GABRB3: variants seen among roughly 807,000 people sequenced by gnomAD.
The protein encoded by GABRB3 is gamma-aminobutyric acid type A receptor subunit beta3.
Under a neutral mutation model 52.1 loss-of-function variants are expected in GABRB3, and 14 were observed. The ratio of observed to expected loss-of-function variants is 0.27; its 90% CI spans 0.18 to 0.42. GABRB3 has a LOEUF of 0.42. Ranked by LOEUF, GABRB3 falls within the 10% of genes least tolerant of loss-of-function variation. GABRB3 has a pLI of 1.00. For missense variants in GABRB3, 307 were observed against 609.1 expected (o/e 0.50, Z 5.22); for synonymous variants, 260 against 232.3 (o/e 1.12, Z -1.08).
chr15:26,702,261 TACAGTAC>T (rs1199025972), intron 3 of GABRB3, among the ~76,000 whole-genome samples: 1 of 152,194 alleles, frequency 6.6e-6, no homozygotes, highest in Non-Finnish European at 1.5e-5. Flanking sequence ...TTTTGAAACA[TACAGTAC>T]ACTGCTAAAA....
At chr15:26,627,052 T>C (rs1445078890) in intron 3 of GABRB3, among the ~76,000 whole-genome samples, 1 of 152,192 alleles carries the variant, frequency 6.6e-6, no homozygotes, top group African/African-American at 2.4e-5. Flanking sequence ...TGACTTTAAG[T>C]TGAAGCCAAT....
intron 3 of GABRB3, among the ~76,000 whole-genome samples, chr15:26,717,297 G>A (rs1303027005): frequency 6.7e-6 from 1 of 150,038 alleles, no homozygotes; most frequent in Non-Finnish European, 1.5e-5. Flanking sequence ...GCCCAGCTCT[G>A]GGGACCTCCA....
chr15:26,580,656 G>A (rs1288327280), intron 5 of GABRB3, 200 bp from the exon 6 acceptor site: 3 of 729,730 alleles, frequency 4.1e-6, no homozygotes, highest in Non-Finnish European at 6.9e-6. Context: ...ATTTGTACCA[G>A]GTTGGTACTG....
intron 3 of GABRB3, among the ~76,000 whole-genome samples, chr15:26,677,802 C>T (rs1888114777): frequency 6.6e-6 from 1 of 152,108 alleles, no homozygotes; most frequent in Non-Finnish European, 1.5e-5. Context: ...TGTTTAAGGG[C>T]TATCATGAAG....
At chr15:26,743,960 T>C (rs1286031913) in intron 3 of GABRB3, among the ~76,000 whole-genome samples, 2 of 152,158 alleles carry the variant, frequency 1.3e-5, no homozygotes, top group East Asian at 1.9e-4. Flanking sequence ...GGAAAGAGAA[T>C]GCATTTACTG....
intron 3 of GABRB3, among the ~76,000 whole-genome samples, chr15:26,710,019 A>G (rs1384608400): frequency 6.6e-6 from 1 of 152,192 alleles, no homozygotes; most frequent in East Asian, 1.9e-4. Context: ...CCTTTCTTAT[A>G]TAAATGGAAT....
chr15:26,621,065 T>G lies in GABRB3; in HGVS notation c.461+249A>C, dbSNP rs140610195. ...CTGAGGGAATCTGTGTTCTTAGACA[T>G]GGCAATCCAATTATATACAATTGAT... is the stretch of plus-strand genomic sequence containing the variant. On this transcript the variant is annotated intron_variant, in intron 4 of 8. Transcript: ENST00000311550. This position sits in a 1 kb window ranked among gnomAD's most constrained non-coding sequence, Gnocchi z 4.1. Among the ~76,000 whole-genome samples the G allele has an allele frequency of 2.2e-5, 3 of 134,414 alleles. No individual in the cohort carries two copies. In the East Asian group the frequency reaches 5.9e-4, roughly 27 times the overall value. The allele number at this position is 134,414 out of a possible 152,430, so 88.2% of individuals were successfully genotyped here. A position where few individuals can be genotyped will look rare whatever the true frequency, so the allele number is the denominator to read the frequency against.
chr15:26,555,235 A>G (rs954182638), intron 8 of GABRB3, among the ~76,000 whole-genome samples: 3 of 152,122 alleles, frequency 2.0e-5, no homozygotes, highest in Non-Finnish European at 2.9e-5. Flanking sequence ...GGAGGAAAAC[A>G]TCTGGCTTAG....
intron 3 of GABRB3, among the ~76,000 whole-genome samples, chr15:26,759,050 G>A (rs1298320793): frequency 6.6e-6 from 1 of 152,132 alleles, no homozygotes; most frequent in African/African-American, 2.4e-5. Context: ...TGACTGGGTA[G>A]TTTCCTAAAA....
At chr15:26,693,861 C>T (rs181887602) in intron 3 of GABRB3, among the ~76,000 whole-genome samples, 1 of 152,296 alleles carries the variant, frequency 6.6e-6, no homozygotes, top group African/African-American at 2.4e-5. Flanking sequence ...AGCCCCTATA[C>T]TTTTGAGAGT....
chr15:26,589,442 C>T (rs1421165189), intron 4 of GABRB3, among the ~76,000 whole-genome samples: 1 of 152,112 alleles, frequency 6.6e-6, no homozygotes, highest in African/African-American at 2.4e-5. Flanking sequence ...ACAATCTCTT[C>T]CCCCATTTGT....
chr15:26,668,582 A>T (rs75310369), intron 3 of GABRB3, among the ~76,000 whole-genome samples: 20,370 of 152,196 alleles, frequency 0.13, 1,707 homozygotes, highest in Non-Finnish European at 0.19. Flanking sequence ...AAGAGCATGT[A>T]GTCCCTAAAT....
Position 26,554,274 on chromosome 15 carries a change from C to G in GABRB3, c.1081-6140G>C, listed in dbSNP as rs113519876. On this transcript the variant is annotated intron_variant, in intron 8 of 8. Transcript: ENST00000311550. ...GAATTCCCAGGCTCAAGTGATCCTC[C>G]CGCCTCCAACTCCCAAAGTGCTGGG... Among the ~76,000 whole-genome samples the G allele has an allele frequency of 2.1e-5, 3 of 142,262 alleles. 1 individual carries two copies. Among genetic ancestry groups the G allele is most frequent in the South Asian group, 2.3e-4 (1 of 4,398 alleles). 93.3% of individuals were successfully genotyped at this position (142,262 alleles called of 152,430 possible).
intron 3 of GABRB3, among the ~76,000 whole-genome samples, chr15:26,701,600 G>C (rs1278269974): frequency 1.3e-5 from 2 of 152,138 alleles, no homozygotes. Flanking sequence ...TAAATAAATG[G>C]AGAGATATGC....
chr15:26,701,068 C>A (rs1386614041), intron 3 of GABRB3, among the ~76,000 whole-genome samples: 8 of 151,238 alleles, frequency 5.3e-5, no homozygotes, highest in Non-Finnish European at 1.0e-4. Flanking sequence ...AAAAAAACAA[C>A]AAAAAAACTC....
chr15:26,646,034 G>A (rs117522499), intron 3 of GABRB3, among the ~76,000 whole-genome samples: 1,823 of 151,862 alleles, frequency 0.012, 11 homozygotes, highest in Non-Finnish European at 0.019. Context: ...CAAATAATGG[G>A]ACCTATTTTT....
chr15:26,679,893 C>T (rs1266632401), intron 3 of GABRB3, among the ~76,000 whole-genome samples: 1 of 152,198 alleles, frequency 6.6e-6, no homozygotes, highest in Non-Finnish European at 1.5e-5. Context: ...GGCCAGGTTA[C>T]TCTACAGATT....
chr15:26,567,582 G>A lies in GABRB3; in HGVS notation c.834C>T (p.Leu278=), dbSNP rs368573021. 9.3e-6 allele frequency: 15 copies of A among 1,613,426 alleles called. No homozygotes were observed. Among genetic ancestry groups the A allele is most frequent in the East Asian group, 2.2e-5 (1 of 44,860 alleles). Reference sequence around the variant, plus strand: ...ATATCACTTAAAAATAGCACATACCGAGGGCAACTCTAGCAGCAGATGCAT... The same window carrying A: ...ATATCACTTAAAAATAGCACATACCAAGGGCAACTCTAGCAGCAGATGCAT... ...NYDASAARVA[L]GITTVLTMTT... Residue 278 remains leucine (L), a splice_region_variant and synonymous_variant, in exon 7 of 9, where the codon CTC becomes CTT. Transcript: ENST00000311550.
intron 3 of GABRB3, among the ~76,000 whole-genome samples, chr15:26,757,978 G>A (rs1890708135): frequency 6.6e-6 from 1 of 151,976 alleles, no homozygotes; most frequent in African/African-American, 2.4e-5. Context: ...ATCTCAACGG[G>A]CTCCACTATC....
Sources: gnomAD v4.1 joint callset for allele counts (sites outside exome capture counted in the v4.1 genomes callset) on GRCh38, gnomAD v4.1.1 for gene constraint, Gnocchi (gnomAD v3.1) non-coding constraint, MANE v1.5 for transcripts, NCBI Gene and HGNC (gene_info 2026-07-23, HGNC 2026-07-21) for gene names.